The following MDGA1 variants were observed in gnomAD, a reference collection of about 807,000 sequenced individuals.
MDGA1 encodes the protein MAM domain containing glycosylphosphatidylinositol anchor 1.
Under a neutral mutation model 101.5 loss-of-function variants are expected in MDGA1, and 54 were observed. The observed-to-expected ratio is 0.53, with a 90% CI of 0.43 to 0.67. The LOEUF (loss-of-function observed/expected upper bound fraction) is 0.67. Among genes scored for constraint, MDGA1 ranks in the 30% least tolerant of loss-of-function variants. MDGA1 has a pLI of 0.00. For missense variants in MDGA1, 1,083 were observed against 1,323.8 expected, an observed-to-expected ratio of 0.82 and a Z score of 2.82; for synonymous variants, 533 against 558.3, an observed-to-expected ratio of 0.95 and a Z score of 0.64.
intron 9 of MDGA1, chr6:37,648,167 G>C (rs1361437343): frequency 1.3e-5 from 2 of 152,390 alleles, no homozygotes; most frequent in Non-Finnish European, 2.9e-5. Flanking sequence ...GCCTCGAAGA[G>C]CTGGGGCTGA....
At position 37,652,146 on chromosome 6, in the gene MDGA1, G is replaced by A; in HGVS notation, c.1177C>T (p.Leu393=). Residue 393 remains leucine (L), a synonymous_variant, in exon 7 of 17, where the codon CTG becomes TTG. Coordinates refer to ENST00000434837, the MANE Select transcript of MDGA1 (RefSeq NM_153487.4). This position sits in a 1 kb window ranked among gnomAD's most constrained non-coding sequence, Gnocchi z 4.3. ...RLLVTRNDPE[L]PAVTSSLELI... ...TCTAGGCTGCTGGTGACTGCGGGCA[G>A]CTCAGGATCATTGCGGGTCACCAGC... 1 of 1,613,960 alleles carries A rather than the reference G, an allele frequency of 6.2e-7. No individual in the cohort carries two copies. Among genetic ancestry groups the A allele is most frequent in the African/African-American group, 1.3e-5 (1 of 75,072 alleles).
Position 37,640,698 on chromosome 6 carries a change from T to C in MDGA1, c.2537-2031A>G, listed in dbSNP as rs145168282. Among the ~76,000 whole-genome samples, 299 of 152,022 alleles carry C rather than the reference T, an allele frequency of 2.0e-3. 1 individual carries two copies. Among genetic ancestry groups the C allele is most frequent in the Middle Eastern group, 0.017 (5 of 292 alleles). On this transcript the variant is annotated intron_variant, in intron 14 of 16. Coordinates refer to ENST00000434837, the MANE Select transcript of MDGA1 (RefSeq NM_153487.4). ...AGGAAGCCCCTGAGCAGGGGGGACA[T>C]TGGAGCTGATGGGGTGCTGAGGGGA...
At chr6:37,682,834 G>A (rs1018699427) in intron 1 of MDGA1, among the ~76,000 whole-genome samples, 3 of 152,212 alleles carry the variant, frequency 2.0e-5, no homozygotes, top group Non-Finnish European at 4.4e-5. Flanking sequence ...TGAAGAGAGA[G>A]AGAGAAATAT....
chr6:37,632,174 T>C lies in MDGA1; in HGVS notation c.*5194A>G, dbSNP rs1362153395. On this transcript the variant is annotated 3_prime_UTR_variant, in exon 17 of 17. Coordinates refer to ENST00000434837, the MANE Select transcript of MDGA1 (RefSeq NM_153487.4). ...CCAACCCAAATAAGAACCCTCTTCA[T>C]ACCTTCTTTCATAGCACCAATTTCC... The C allele has an allele frequency of 6.6e-6, 1 of 152,234 alleles. No individual in the cohort carries two copies. Among genetic ancestry groups the C allele is most frequent in the Non-Finnish European group, 1.5e-5 (1 of 68,078 alleles). The allele number at this position is 152,234 out of a possible 1,614,324, so 9.4% of individuals were successfully genotyped here.
intron 1 of MDGA1, among the ~76,000 whole-genome samples, chr6:37,680,900 A>G (rs954743612): frequency 1.3e-5 from 2 of 152,284 alleles, no homozygotes; most frequent in East Asian, 3.9e-4. Flanking sequence ...TGTGAAAACC[A>G]AATCCACAAC....
intron 14 of MDGA1, among the ~76,000 whole-genome samples, chr6:37,640,252 G>A (rs1764034135): frequency 6.6e-6 from 1 of 152,174 alleles, no homozygotes; most frequent in African/African-American, 2.4e-5. Context: ...CTGAGCAAAA[G>A]CCCAGAGGCT....
chr6:37,634,233 A>G lies in MDGA1; in HGVS notation c.*3135T>C, dbSNP rs1327432791. The G allele has an allele frequency of 6.5e-6, 1 of 152,738 alleles. No individual in the cohort carries two copies. The highest frequency in any genetic ancestry group is 1.5e-5 in the Non-Finnish European group (1 of 68,138). 9.5% of individuals were successfully genotyped at this position (152,738 alleles called of 1,614,324 possible). A position where few individuals can be genotyped will look rare whatever the true frequency, so the allele number is the denominator to read the frequency against. On this transcript the variant is annotated 3_prime_UTR_variant, in exon 17 of 17. Coordinates refer to ENST00000434837, the MANE Select transcript of MDGA1 (RefSeq NM_153487.4). This position sits in a 1 kb window ranked among gnomAD's most constrained non-coding sequence, Gnocchi z 4.7. ...GGACAAGGGATGGAAGGGCCCCAGC[A>G]CCCTGAGGGCTGACCCTGAACACCC...
chr6:37,692,570 A>T (rs942000234), intron 1 of MDGA1, among the ~76,000 whole-genome samples: 1 of 151,680 alleles, frequency 6.6e-6, no homozygotes, highest in Non-Finnish European at 1.5e-5. Flanking sequence ...GGCTGCTACC[A>T]CTGCCCGGAT....
chr6:37,658,478 G>C, intron 2 of MDGA1, 59 bp from the exon 3 acceptor site: 1 of 1,493,304 alleles, frequency 6.7e-7, no homozygotes, highest in East Asian at 2.3e-5. Context: ...GGGGGCCTCA[G>C]CGCTGAGTGC....
At chr6:37,670,179 C>T (rs1581614839) in intron 1 of MDGA1, among the ~76,000 whole-genome samples, 1 of 152,156 alleles carries the variant, frequency 6.6e-6, no homozygotes, top group Non-Finnish European at 1.5e-5. Flanking sequence ...TAATGAGGGG[C>T]TAATGCAATA....
At chr6:37,681,259 C>T (rs553214207) in intron 1 of MDGA1, among the ~76,000 whole-genome samples, 1 of 152,184 alleles carries the variant, frequency 6.6e-6, no homozygotes, top group South Asian at 2.1e-4. Context: ...TCAGGAGAAG[C>T]TGCTAGATCA....
chr6:37,662,541 T>C (rs1761649076), intron 2 of MDGA1, among the ~76,000 whole-genome samples: 1 of 149,612 alleles, frequency 6.7e-6, no homozygotes, highest in African/African-American at 2.5e-5. Flanking sequence ...TCAGATGAGG[T>C]GGGAGGATCA....
intron 1 of MDGA1, among the ~76,000 whole-genome samples, chr6:37,675,818 G>C (rs1413687839): frequency 6.6e-6 from 1 of 152,170 alleles, no homozygotes; most frequent in African/African-American, 2.4e-5. Context: ...TGCTGGTCTT[G>C]GAGACCCCAT....
chr6:37,690,799 G>C (rs535031863), intron 1 of MDGA1, among the ~76,000 whole-genome samples: 1 of 148,132 alleles, frequency 6.8e-6, no homozygotes, highest in African/African-American at 2.5e-5. Context: ...ATCCTTTACT[G>C]TTCCAGCCCT....
chr6:37,688,165 T>A (rs1377298657), intron 1 of MDGA1, among the ~76,000 whole-genome samples: 1 of 152,190 alleles, frequency 6.6e-6, no homozygotes, highest in Non-Finnish European at 1.5e-5. Context: ...GAAGAAGACA[T>A]CTGTTTTGGT....
intron 1 of MDGA1, among the ~76,000 whole-genome samples, chr6:37,665,333 A>G (rs529157080): frequency 1.7e-4 from 26 of 152,326 alleles, no homozygotes; most frequent in African/African-American, 6.3e-4. Flanking sequence ...GGAGGTAAAA[A>G]TGACATCCCT....
intron 14 of MDGA1, among the ~76,000 whole-genome samples, chr6:37,642,701 G>A (rs1764119632): frequency 1.3e-5 from 2 of 152,082 alleles, no homozygotes; most frequent in African/African-American, 2.4e-5. Flanking sequence ...TGACCATGCC[G>A]CGGGGTCAGG....
At chr6:37,642,179 C>CTTT (rs34171567) in intron 14 of MDGA1, among the ~76,000 whole-genome samples, 20 of 109,292 alleles carry the variant, frequency 1.8e-4, no homozygotes, top group Middle Eastern at 4.9e-3. Flanking sequence ...TGGTTTCTTT[C>CTTT]TTTTTTTTTT....
At chr6:37,690,691 T>C (rs772001717) in intron 1 of MDGA1, among the ~76,000 whole-genome samples, 14 of 150,696 alleles carry the variant, frequency 9.3e-5, no homozygotes, top group Non-Finnish European at 2.1e-4. Context: ...GCAGGAGAAT[T>C]GCTTGAACCT....
Sources: allele counts gnomAD v4.1 joint callset (sites outside exome capture counted in the v4.1 genomes callset), GRCh38; gene constraint gnomAD v4.1.1; non-coding constraint Gnocchi (gnomAD v3.1); transcripts MANE v1.5; gene names NCBI Gene and HGNC (gene_info 2026-07-23, HGNC 2026-07-21).